The following NRBP2 variants were observed in gnomAD, a reference collection of about 807,000 sequenced individuals.
The protein encoded by NRBP2 is nuclear receptor binding protein 2, also known as nuclear receptor-binding protein 2.
NRBP2 carries 47 observed loss-of-function variants against 74.4 expected under a neutral mutation model. The observed-to-expected ratio is 0.63, with a 90% CI of 0.50 to 0.81. NRBP2 has a LOEUF of 0.81. Among genes scored for constraint, NRBP2 ranks in the 30% least tolerant of loss-of-function variants. The pLI is 0.00. For missense variants in NRBP2, 613 were observed against 690.1 expected (o/e 0.89, Z 1.25); for synonymous variants, 312 against 273.8 (o/e 1.14, Z -1.38).
At position 143,836,165 on chromosome 8, in the gene NRBP2, A is replaced by C; in HGVS notation, c.1279T>G (p.Cys427Gly). Residue 427 changes from cysteine to glycine, a missense_variant, in exon 15 of 18, where the codon TGC becomes GGC. Physicochemically the swap from Cys to Gly is radical, Grantham distance 159. Transcript: ENST00000442628. ...TTGTCCTCGCTTCTCTCCAGGTTGC[A>C]CTGCATCTGGATGACCTGCAGCGGG... ...SETRKVIQMQ[C>G]NLERSEDKAR... 1 of 1,583,244 alleles carries C rather than the reference A, an allele frequency of 6.3e-7. No individual in the cohort carries two copies. The highest frequency in any genetic ancestry group is 8.6e-7 in the Non-Finnish European group (1 of 1,169,284).
chr8:143,837,268 T>C lies in NRBP2; in HGVS notation c.1108A>G (p.Lys370Glu). The C allele has an allele frequency of 6.2e-7, 1 of 1,613,484 alleles. No homozygotes were observed. The highest frequency in any genetic ancestry group is 8.5e-7 in the Non-Finnish European group (1 of 1,179,896). Residue 370 changes from lysine (K) to glutamate (E), a missense_variant, in exon 13 of 18, where the codon AAA (lysine) becomes GAA (glutamate). Lys to Glu is a moderately conservative substitution (Grantham distance 56). Transcript: ENST00000442628. The surrounding 1 kb of genome is among the most constrained non-coding windows in gnomAD (Gnocchi z 4.3). ...TCTCACCTGACATCCTCCAGGAATT[T>C]GTCCAGCTCCATGAAGGAGACTTCC... ...YSEVSFMELD[K>E]FLEDVRNGIY...
In NRBP2 at chr8:143,837,898, CCAGCAG is replaced by C. The variant is rs527809782; in HGVS notation, c.841-149_841-144del. Reference sequence around the variant, plus strand: ...GCAGGGATGCCCATAGGGAGGAGTCCCAGCAGCAGCAGCCAGGCCAGGACCTGGTCC... The same window carrying C: ...GCAGGGATGCCCATAGGGAGGAGTCCCAGCAGCCAGGCCAGGACCTGGTCC... On this transcript the variant is annotated intron_variant, in intron 10 of 17. Coordinates refer to ENST00000442628, the MANE Select transcript of NRBP2 (RefSeq NM_178564.4). The surrounding 1 kb of genome is among the most constrained non-coding windows in gnomAD (Gnocchi z 4.3). 1 of 1,018,664 alleles carries C rather than the reference CCAGCAG, an allele frequency of 9.8e-7. No individual in the cohort carries two copies. The highest frequency in any genetic ancestry group is 1.5e-6 in the Non-Finnish European group (1 of 673,920). The allele number at this position is 1,018,664 out of a possible 1,614,324, so 63.1% of individuals were successfully genotyped here. A position where few individuals can be genotyped will look rare whatever the true frequency, so the allele number is the denominator to read the frequency against.
In NRBP2 at chr8:143,834,004, T is replaced by A. The variant is rs1472278616; in HGVS notation, c.*1658A>T. On this transcript the variant is annotated 3_prime_UTR_variant, in exon 18 of 18. Transcript: ENST00000442628. ...TATGCGTTAGTAAGTCTTGCTTTGGTTTTTGGCTTTTGGTTGGAGTGCTGT... is the reference window on the plus strand; with the variant it reads ...TATGCGTTAGTAAGTCTTGCTTTGGATTTTGGCTTTTGGTTGGAGTGCTGT... 3 of 152,226 alleles carry A rather than the reference T, an allele frequency of 2.0e-5. No homozygotes were observed. Among genetic ancestry groups the A allele is most frequent in the Non-Finnish European group, 4.4e-5 (3 of 68,034 alleles). 9.4% of individuals were successfully genotyped at this position (152,226 alleles called of 1,614,324 possible).
At chr8:143,838,525 G>A (rs142378914) in intron 10 of NRBP2, among the ~76,000 whole-genome samples, 155 bp downstream of exon 10, 15 of 152,228 alleles carry the variant, frequency 9.9e-5, no homozygotes, top group African/African-American at 3.6e-4. Context: ...ACCAGTATGT[G>A]CTCCCACTGA....
chr8:143,838,471 T>G (rs1045013330), intron 10 of NRBP2, among the ~76,000 whole-genome samples: 1 of 152,242 alleles, frequency 6.6e-6, no homozygotes, highest in East Asian at 1.9e-4. Context: ...TCTTGCCTTC[T>G]TGTCCTTAGA....
Position 143,839,127 on chromosome 8 carries a change from GC to G in NRBP2, c.605-28del, listed in dbSNP as rs1563863756. ...TGTGGGAGGGCGCAGAGCTGAGCGG[GC>G]GGGGACCTCTCCAGGACCCCGTCCC... is the stretch of plus-strand genomic sequence containing the variant. On this transcript the variant is annotated intron_variant, in intron 7 of 17. Coordinates refer to ENST00000442628, the MANE Select transcript of NRBP2 (RefSeq NM_178564.4). This position sits in a 1 kb window ranked among gnomAD's most constrained non-coding sequence, Gnocchi z 5.1. The G allele has an allele frequency of 1.3e-6, 2 of 1,512,264 alleles. No individual in the cohort carries two copies. Among genetic ancestry groups the G allele is most frequent in the East Asian group, 4.9e-5 (2 of 40,572 alleles). 93.7% of individuals were successfully genotyped at this position (1,512,264 alleles called of 1,614,324 possible). A position where few individuals can be genotyped will look rare whatever the true frequency, so the allele number is the denominator to read the frequency against.
At position 143,839,207 on chromosome 8, in the gene NRBP2, C is replaced by G. The variant is rs1554652880; in HGVS notation, c.581-12G>C. 1.3e-6 allele frequency: 2 copies of G among 1,530,704 alleles called. No homozygotes were observed. The highest frequency in any genetic ancestry group is 1.4e-5 in the African/African-American group (1 of 72,982). 94.8% of individuals were successfully genotyped at this position (1,530,704 alleles called of 1,614,324 possible). Reference sequence around the variant, plus strand: ...GATTCGGTGCCACACTGCCAAGGGGCGGGAGAAAGAGTGGAGTTAGCTGCT... The same window carrying G: ...GATTCGGTGCCACACTGCCAAGGGGGGGGAGAAAGAGTGGAGTTAGCTGCT... On this transcript the variant is annotated splice_polypyrimidine_tract_variant and intron_variant, in intron 6 of 17. Coordinates refer to ENST00000442628, the MANE Select transcript of NRBP2 (RefSeq NM_178564.4). This position sits in a 1 kb window ranked among gnomAD's most constrained non-coding sequence, Gnocchi z 5.1.
In NRBP2 at chr8:143,840,132, T is replaced by C. The variant is rs1554653359; in HGVS notation, c.227A>G (p.Asp76Gly). The change falls in exon 2 of 18, where the codon GAC (aspartate) becomes GGC (glycine). Residue 76 changes from aspartate (D) to glycine (G), a missense_variant. Around this residue, in one of 2 missense-constraint regions of NRBP2, gnomAD observed 332 missense variants for 429.2 expected, o/e 0.77. Coordinates refer to ENST00000442628, the MANE Select transcript of NRBP2 (RefSeq NM_178564.4). This position sits in a 1 kb window ranked among gnomAD's most constrained non-coding sequence, Gnocchi z 5.7. The stretch of plus-strand genomic sequence containing the variant: ...CTCGTGCGCCGCGAAGGCCTTCCTG[T>C]CTCCGAAGTGGAGCTCGTTCCACAC... The part of the protein sequence containing the change: ...EVVWNELHFG[D>G]RKAFAAHEEK... 1.3e-6 allele frequency: 2 copies of C among 1,536,090 alleles called. No individual in the cohort carries two copies. Among genetic ancestry groups the C allele is most frequent in the Admixed American group, 3.9e-5 (2 of 51,000 alleles).
At chr8:143,838,188 A>G in intron 10 of NRBP2, 1 of 398,098 alleles carries the variant, frequency 2.5e-6, no homozygotes. Flanking sequence ...GAGGCCATGG[A>G]GTTAAGTCTA....
At position 143,839,827 on chromosome 8, in the gene NRBP2, T is replaced by C. The variant is rs1554653204; in HGVS notation, c.355-2A>G. ...CACGTACTCTGTGATGAAGATGACC[T>C]GCACGGTGCGAGCTCAGGATTTCCA... On this transcript the variant is annotated splice_acceptor_variant, in intron 3 of 17. Coordinates refer to ENST00000442628, the MANE Select transcript of NRBP2 (RefSeq NM_178564.4). LOFTEE classifies it high-confidence loss of function. This position sits in a 1 kb window ranked among gnomAD's most constrained non-coding sequence, Gnocchi z 5.1. 6.5e-7 allele frequency: 1 copy of C among 1,536,060 alleles called. No individual in the cohort carries two copies.
In NRBP2 at chr8:143,835,641, C is replaced by T. The variant is rs782160998; in HGVS notation, c.*21G>A. On this transcript the variant is annotated 3_prime_UTR_variant, in exon 18 of 18. Coordinates refer to ENST00000442628, the MANE Select transcript of NRBP2 (RefSeq NM_178564.4). This position sits in a 1 kb window ranked among gnomAD's most constrained non-coding sequence, Gnocchi z 4.9. Reference sequence around the variant, plus strand: ...GCCCAGGCAGCACCCCGGCATGGTCCCCTGGGGCTGGGGCTCCGGGTCAGG... The same window carrying T: ...GCCCAGGCAGCACCCCGGCATGGTCTCCTGGGGCTGGGGCTCCGGGTCAGG... The T allele has an allele frequency of 2.6e-6, 4 of 1,558,302 alleles. No homozygotes were observed. The highest frequency in any genetic ancestry group is 2.6e-6 in the Non-Finnish European group (3 of 1,154,782).
chr8:143,835,846 G>C lies in NRBP2; in HGVS notation c.1411C>G (p.Leu471Val). ...TCGTGGAGGAAGCCATAGTGCACGAGCTCCGAGGCGAGGTCCTGGGCGCTG... is the reference window on the plus strand; with the variant it reads ...TCGTGGAGGAAGCCATAGTGCACGACCTCCGAGGCGAGGTCCTGGGCGCTG... ...TDSAQDLASE[L>V]VHYGFLHEDD... Residue 471 changes from leucine to valine, a missense_variant, in exon 17 of 18, where the codon CTC becomes GTC. By Grantham distance (32) the Leu-to-Val change is conservative (BLOSUM62 1). Coordinates refer to ENST00000442628, the MANE Select transcript of NRBP2 (RefSeq NM_178564.4). This position sits in a 1 kb window ranked among gnomAD's most constrained non-coding sequence, Gnocchi z 4.9. The C allele has an allele frequency of 6.2e-7, 1 of 1,601,274 alleles. No individual in the cohort carries two copies. Among genetic ancestry groups the C allele is most frequent in the Non-Finnish European group, 8.5e-7 (1 of 1,176,644 alleles).
In NRBP2 at chr8:143,836,120, C is replaced by A; in HGVS notation, c.1317+7G>T. The A allele has an allele frequency of 1.2e-6, 2 of 1,601,636 alleles. No individual in the cohort carries two copies. The highest frequency in any genetic ancestry group is 8.5e-7 in the Non-Finnish European group (1 of 1,176,040). ...ACGGCAGCGCCGCCCTCCCAGGCCC[C>A]GCTCACATGCCAGCGCGCCTTGTCC... On this transcript the variant is annotated splice_region_variant and intron_variant, in intron 15 of 17. Coordinates refer to ENST00000442628, the MANE Select transcript of NRBP2 (RefSeq NM_178564.4).
Position 143,837,123 on chromosome 8 carries a change from C to T in NRBP2, c.1179G>A (p.Leu393=). Residue 393 remains leucine (L), a synonymous_variant, in exon 14 of 18, where the codon CTG becomes CTA. Transcript: ENST00000442628. The surrounding 1 kb of genome is among the most constrained non-coding windows in gnomAD (Gnocchi z 4.3). ...CCGGGGGTGGGGCCAGCACACGGGGCAGCCCCAGGGGTCGAGTGGCTGCAA... is the reference window on the plus strand; with the variant it reads ...CCGGGGGTGGGGCCAGCACACGGGGTAGCCCCAGGGGTCGAGTGGCTGCAA... ...MNFAATRPLG[L]PRVLAPPPEE... is the part of the protein sequence containing the mutation. 6.2e-7 allele frequency: 1 copy of T among 1,612,498 alleles called. No homozygotes were observed. The highest frequency in any genetic ancestry group is 8.5e-7 in the Non-Finnish European group (1 of 1,179,068).
Position 143,838,819 on chromosome 8 carries a change from G to A in NRBP2, c.745-44C>T, listed in dbSNP as rs368500407. ...TCAGGCATGGGGAAGGGACCACACA[G>A]GTGAGCCAGGCAGGGCACAGTTAGG... On this transcript the variant is annotated intron_variant, in intron 9 of 17. Coordinates refer to ENST00000442628, the MANE Select transcript of NRBP2 (RefSeq NM_178564.4). 2.1e-3 allele frequency: 3,410 copies of A among 1,611,514 alleles called. 3 individuals are homozygous for A. Among genetic ancestry groups the A allele is most frequent in the Non-Finnish European group, 2.3e-3 (2,769 of 1,178,498 alleles).
chr8:143,839,631 C>T lies in NRBP2; in HGVS notation c.445-82G>A. 3 of 1,510,156 alleles carry T rather than the reference C, an allele frequency of 2.0e-6. No individual in the cohort carries two copies. The highest frequency in any genetic ancestry group is 2.5e-5 in the South Asian group (2 of 80,164). 93.5% of individuals were successfully genotyped at this position (1,510,156 alleles called of 1,614,324 possible). On this transcript the variant is annotated intron_variant, in intron 4 of 17. Coordinates refer to ENST00000442628, the MANE Select transcript of NRBP2 (RefSeq NM_178564.4). The surrounding 1 kb of genome is among the most constrained non-coding windows in gnomAD (Gnocchi z 5.1). ...CTGCGGAGCCCGCCCCGCATCCTCGCCCAGCCCCTGTCCGAGGCCGCCGGG... is the reference window on the plus strand; with the variant it reads ...CTGCGGAGCCCGCCCCGCATCCTCGTCCAGCCCCTGTCCGAGGCCGCCGGG...
intron 15 of NRBP2, 22 bp downstream of exon 15, chr8:143,836,105 C>A: frequency 1.9e-6 from 3 of 1,599,092 alleles, no homozygotes; most frequent in Non-Finnish European, 2.6e-6. Context: ...ACGGCAGCGC[C>A]GCCCTCCCAG....
chr8:143,836,246 G>T, intron 14 of NRBP2, 66 bp from the exon 15 acceptor site: 2 of 1,452,864 alleles, frequency 1.4e-6, no homozygotes, highest in East Asian at 2.6e-5. Flanking sequence ...GCCCCAAAGG[G>T]GCCGGGAAGG....
At chr8:143,832,755 T>G (rs948733358), downstream of NRBP2, among the ~76,000 whole-genome samples, 10 of 152,208 alleles carry the variant, frequency 6.6e-5, no homozygotes, top group Admixed American at 5.9e-4. Context: ...CACATCCCCC[T>G]CTTCGAGAAA....
Sources: allele counts gnomAD v4.1 joint callset (sites outside exome capture counted in the v4.1 genomes callset), GRCh38; gene constraint gnomAD v4.1.1; regional missense constraint gnomAD v4.1.1; non-coding constraint Gnocchi (gnomAD v3.1); transcripts MANE v1.5; gene names NCBI Gene and HGNC (gene_info 2026-07-23, HGNC 2026-07-21).